Variants in DOCK5 observed in about 807,000 individuals in gnomAD.
DOCK5 encodes the protein dedicator of cytokinesis protein 5.
A neutral mutation model predicts 251.8 loss-of-function variants in DOCK5; 142 were observed. That is an observed-to-expected ratio of 0.56 (90% CI 0.49 to 0.65). DOCK5 has a LOEUF of 0.65. Ranked by LOEUF, DOCK5 falls within the 30% of genes least tolerant of loss-of-function variation. DOCK5 has a pLI of 0.00. For synonymous variants in DOCK5, 842 were observed against 835.5 expected (o/e 1.01, Z -0.13); for missense variants, 2,111 against 2,312.3 (o/e 0.91, Z 1.79).
intron 3 of DOCK5, among the ~76,000 whole-genome samples, chr8:25,270,217 T>G (rs528217081): frequency 1.7e-4 from 26 of 152,344 alleles, no homozygotes; most frequent in African/African-American, 5.8e-4. Flanking sequence ...CGCATGTCTT[T>G]ATTTCAAACC....
chr8:25,355,365 G>T (rs1488320324), intron 27 of DOCK5, among the ~76,000 whole-genome samples: 1 of 152,124 alleles, frequency 6.6e-6, no homozygotes, highest in Non-Finnish European at 1.5e-5. Flanking sequence ...ATTATTTTTA[G>T]CTGAAATGAC....
At chr8:25,375,978 G>A (rs1586375516) in intron 37 of DOCK5, 1 of 749,052 alleles carries the variant, frequency 1.3e-6, no homozygotes, top group East Asian at 1.3e-4. Context: ...CCTGCCTGTA[G>A]TCCCAGCTAC....
chr8:25,363,213 T>C, intron 29 of DOCK5, 72 bp downstream of exon 29: 1 of 1,298,368 alleles, frequency 7.7e-7, no homozygotes. Flanking sequence ...CTTTGGGAAA[T>C]GTCTTTAAAT....
intron 4 of DOCK5, 60 bp from the exon 5 acceptor site, chr8:25,278,509 A>G (rs1804105600): frequency 6.5e-7 from 1 of 1,536,542 alleles, no homozygotes; most frequent in African/African-American, 1.4e-5. Flanking sequence ...TCTGATCCCC[A>G]TCAAGTAAAG....
chr8:25,279,711 A>G (rs1057293369), intron 5 of DOCK5, among the ~76,000 whole-genome samples: 1 of 151,824 alleles, frequency 6.6e-6, no homozygotes, highest in Non-Finnish European at 1.5e-5. Context: ...TCCGCCTCCC[A>G]AGTTCAAGCA....
In DOCK5 at chr8:25,400,804, C is replaced by G. The variant is rs1405439330; in HGVS notation, c.4789-125C>G. On this transcript the variant is annotated intron_variant, in intron 46 of 51. Coordinates refer to ENST00000276440, the MANE Select transcript of DOCK5 (RefSeq NM_024940.8). ...CACAAGTCCTACACTGAGAAGTGGC[C>G]TTCCCATTGGCCAGCACTATGTCTA... 3.6e-5 allele frequency: 37 copies of G among 1,038,938 alleles called. No homozygotes were observed. The East Asian group carries it at 8.4e-4, about 23-fold the overall frequency. The allele number at this position is 1,038,938 out of a possible 1,614,324, so 64.4% of individuals were successfully genotyped here.
At chr8:25,197,723 A>G (rs1386100495) in intron 1 of DOCK5, among the ~76,000 whole-genome samples, 1 of 145,344 alleles carries the variant, frequency 6.9e-6, no homozygotes, top group African/African-American at 2.5e-5. Flanking sequence ...AGCTGGGACT[A>G]CAGGTACATG....
At position 25,327,888 on chromosome 8, in the gene DOCK5, C is replaced by T. The variant is rs188708934; in HGVS notation, c.1903+2341C>T. ...GGTAAGAGAGTAGATTTTAAGTGTT[C>T]TCACCACCAAACAATAAGTGAGATA... On this transcript the variant is annotated intron_variant, in intron 18 of 51. Transcript: ENST00000276440. 7.2e-5 allele frequency among the ~76,000 whole-genome samples: 11 copies of T among 152,134 alleles called. No individual in the cohort carries two copies. The East Asian group carries it at 1.9e-3, about 27-fold the overall frequency.
intron 1 of DOCK5, among the ~76,000 whole-genome samples, chr8:25,200,578 C>T (rs1486779449): frequency 6.6e-6 from 1 of 152,108 alleles, no homozygotes; most frequent in African/African-American, 2.4e-5. Flanking sequence ...TACCTAATAC[C>T]ACATAAAAAA....
In DOCK5 at chr8:25,383,933, C is replaced by T. The variant is rs548290424; in HGVS notation, c.4131+1155C>T. On this transcript the variant is annotated intron_variant, in intron 40 of 51. Coordinates refer to ENST00000276440, the MANE Select transcript of DOCK5 (RefSeq NM_024940.8). ...AATCTGTAACCAGGAAGTATTTACC[C>T]AAGTGAAATAGAAACTTACCCTTTT... 1.4e-4 allele frequency among the ~76,000 whole-genome samples: 21 copies of T among 152,240 alleles called. No individual in the cohort carries two copies. The South Asian group carries it at 3.7e-3, about 27-fold the overall frequency.
rs183714187 is a variant in DOCK5, at chr8:25,401,142, A to T, written c.4926+76A>T. ...TTTATGACACTGATTCGTTTTTCAG[A>T]TGCCAAGTGAGTTGTAATAACTTAG... is the stretch of plus-strand genomic sequence containing the variant. On this transcript the variant is annotated intron_variant, in intron 47 of 51. Transcript: ENST00000276440. 7.0e-6 allele frequency: 11 copies of T among 1,570,492 alleles called. 1 individual carries two copies. In the Admixed American group the frequency reaches 1.8e-4, roughly 25 times the overall value.
chr8:25,358,383 T>A (rs576249858), intron 27 of DOCK5, among the ~76,000 whole-genome samples: 2 of 152,294 alleles, frequency 1.3e-5, no homozygotes, highest in Admixed American at 6.5e-5. Flanking sequence ...ACCGTTCCCA[T>A]GATTAAATTA....
In DOCK5 at chr8:25,296,636, C is replaced by A. The variant is rs775762790; in HGVS notation, c.594C>A (p.Ile198=). 1.9e-6 allele frequency: 3 copies of A among 1,612,782 alleles called. No homozygotes were observed. Among genetic ancestry groups the A allele is most frequent in the Non-Finnish European group, 2.5e-6 (3 of 1,179,434 alleles). Reference sequence around the variant, plus strand: ...CCTCCAAAAGGATTGAGGAAAAGATCCAAGAAGAGAAGGTACAGTTCCTCA... The same window carrying A: ...CCTCCAAAAGGATTGAGGAAAAGATACAAGAAGAGAAGGTACAGTTCCTCA... ...EVASKRIEEK[I]QEEKSILQNL... The change falls in exon 7 of 52, where the codon ATC becomes ATA. Residue 198 remains isoleucine (I), a synonymous_variant. Transcript: ENST00000276440.
intron 1 of DOCK5, among the ~76,000 whole-genome samples, chr8:25,219,571 C>T (rs1257404364): frequency 2.6e-5 from 4 of 152,176 alleles, no homozygotes; most frequent in Non-Finnish European, 5.9e-5. Context: ...TCCGTGGTAA[C>T]TTTTGAGAGC....
At chr8:25,362,518 G>A (rs1175847637) in intron 28 of DOCK5, among the ~76,000 whole-genome samples, 7 of 132,900 alleles carry the variant, frequency 5.3e-5, no homozygotes, top group African/African-American at 2.0e-4. Context: ...CCAGGCTGGA[G>A]TGCAATGGCA....
intron 1 of DOCK5, among the ~76,000 whole-genome samples, chr8:25,204,491 T>A (rs1475741106): frequency 6.6e-6 from 1 of 152,192 alleles, no homozygotes; most frequent in Non-Finnish European, 1.5e-5. Context: ...TTTCAGTTGT[T>A]GAAAATTTCT....
chr8:25,190,214 G>A (rs1171042406), intron 1 of DOCK5, among the ~76,000 whole-genome samples: 2 of 152,112 alleles, frequency 1.3e-5, no homozygotes, highest in East Asian at 1.9e-4. Context: ...CATAAAGTAC[G>A]ATACAAAGTT....
At chr8:25,250,091 G>T (rs1803227531) in intron 2 of DOCK5, among the ~76,000 whole-genome samples, 1 of 152,204 alleles carries the variant, frequency 6.6e-6, no homozygotes, top group South Asian at 2.1e-4. Flanking sequence ...ACCTAGGAGT[G>T]GAATTGCTGG....
chr8:25,325,312 C>A (rs749659325), intron 17 of DOCK5, 52 bp from the exon 18 acceptor site: 1 of 1,577,244 alleles, frequency 6.3e-7, no homozygotes, highest in African/African-American at 1.4e-5. Flanking sequence ...TTTTTATTTG[C>A]ATATAAGAGA....
Sources: allele counts gnomAD v4.1 joint callset (sites outside exome capture counted in the v4.1 genomes callset), GRCh38; gene constraint gnomAD v4.1.1; transcripts MANE v1.5; gene names NCBI Gene and HGNC (gene_info 2026-07-23, HGNC 2026-07-21).